The following ANKS1B variants were observed in gnomAD, a reference collection of about 807,000 sequenced individuals.
ANKS1B encodes the protein ankyrin repeat and sterile alpha motif domain-containing protein 1B.
In ANKS1B, 36 loss-of-function variants were observed where a neutral mutation model predicts 148.3. The ratio of observed to expected loss-of-function variants is 0.24; its 90% CI spans 0.19 to 0.32. The LOEUF (loss-of-function observed/expected upper bound fraction) is 0.32. Ranked by LOEUF, ANKS1B falls within the 10% of genes least tolerant of loss-of-function variation. ANKS1B has a pLI of 1.00. For synonymous variants in ANKS1B, 542 were observed against 560.8 expected (o/e 0.97, Z 0.47); for missense variants, 1,157 against 1,542.6 (o/e 0.75, Z 4.19).
At chr12:99,203,449 C>T (rs2082295528) in intron 14 of ANKS1B, among the ~76,000 whole-genome samples, 1 of 150,848 alleles carries the variant, frequency 6.6e-6, no homozygotes, top group Non-Finnish European at 1.5e-5. Flanking sequence ...AGACCTGCTT[C>T]TTTCTTTTTT....
chr12:99,417,937 T>A (rs1352644038), intron 11 of ANKS1B, among the ~76,000 whole-genome samples: 1 of 152,156 alleles, frequency 6.6e-6, no homozygotes, highest in East Asian at 1.9e-4. Flanking sequence ...ATCTTCAAAC[T>A]GCTAAATGAA....
At chr12:99,243,839 GT>G (rs1454405040) in intron 14 of ANKS1B, among the ~76,000 whole-genome samples, 1 of 152,110 alleles carries the variant, frequency 6.6e-6, no homozygotes, top group East Asian at 1.9e-4. Context: ...TGGACACAGG[GT>G]GGGGAACATC....
intron 9 of ANKS1B, among the ~76,000 whole-genome samples, chr12:99,652,341 C>T (rs540003505): frequency 1.3e-5 from 2 of 151,992 alleles, no homozygotes; most frequent in South Asian, 2.1e-4. Flanking sequence ...AGCATAGTGG[C>T]GCACCCCTGT....
In ANKS1B at chr12:99,555,585, T is replaced by A. The variant is rs2097267687; in HGVS notation, c.1273-50944A>T. Among the ~76,000 whole-genome samples, 9 of 152,288 alleles carry A rather than the reference T, an allele frequency of 5.9e-5. No homozygotes were observed. The South Asian group carries it at 1.7e-3, about 28-fold the overall frequency. On this transcript the variant is annotated intron_variant, in intron 9 of 26. Coordinates refer to ENST00000683438, the MANE Select transcript of ANKS1B (RefSeq NM_001352186.2). ...ATGTTGGTTGTGGGTTTGTCATAGA[T>A]GTCTGTTATTATTTTGAGGTATATT... is the stretch of plus-strand genomic sequence containing the variant.
At chr12:99,590,167 A>T (rs1221692240) in intron 9 of ANKS1B, among the ~76,000 whole-genome samples, 4 of 151,036 alleles carry the variant, frequency 2.6e-5, no homozygotes, top group Non-Finnish European at 5.9e-5. Context: ...TAGATATGTG[A>T]ATTAATATGA....
chr12:99,392,021 T>C (rs1273647239), intron 12 of ANKS1B, among the ~76,000 whole-genome samples: 1 of 152,216 alleles, frequency 6.6e-6, no homozygotes, highest in Non-Finnish European at 1.5e-5. Context: ...ATATATTTAA[T>C]GTATATATTT....
At chr12:98,935,384 G>A (rs552011759) in intron 17 of ANKS1B, among the ~76,000 whole-genome samples, 5 of 152,212 alleles carry the variant, frequency 3.3e-5, no homozygotes, top group African/African-American at 1.2e-4. Flanking sequence ...CTAGTATTTT[G>A]TTGAAGATTT....
intron 17 of ANKS1B, among the ~76,000 whole-genome samples, chr12:99,010,815 G>A (rs1305340318): frequency 6.7e-6 from 1 of 149,254 alleles, no homozygotes; most frequent in Non-Finnish European, 1.5e-5. Context: ...GCAGTAGTGC[G>A]ATCATGGCTC....
At chr12:99,268,542 C>A in intron 12 of ANKS1B, among the ~76,000 whole-genome samples, 1 of 152,144 alleles carries the variant, frequency 6.6e-6, no homozygotes, top group African/African-American at 2.4e-5. Flanking sequence ...AGAGTTCACC[C>A]CTTGTAATTT....
intron 1 of ANKS1B, among the ~76,000 whole-genome samples, chr12:99,846,551 G>A (rs1603301718): frequency 6.6e-6 from 1 of 151,994 alleles, no homozygotes; most frequent in East Asian, 1.9e-4. Flanking sequence ...TTTTATTTCA[G>A]AAATACTTTA....
At chr12:99,636,367 C>T (rs1305418994) in intron 9 of ANKS1B, among the ~76,000 whole-genome samples, 1 of 152,100 alleles carries the variant, frequency 6.6e-6, no homozygotes, top group Non-Finnish European at 1.5e-5. Context: ...GTATATGCTT[C>T]TGTTTAAAGA....
At position 98,845,979 on chromosome 12, in the gene ANKS1B, T is replaced by TACACAC. The variant is rs67641647; in HGVS notation, c.2779-13849_2779-13844dup. On this transcript the variant is annotated intron_variant, in intron 17 of 26. Transcript: ENST00000683438. Reference sequence around the variant, plus strand: ...TTAGAATTCTTCATATATATATATATACACACACACACACACACACACACA... The same window carrying TACACAC: ...TTAGAATTCTTCATATATATATATATACACACACACACACACACACACACACACACA... Among the ~76,000 whole-genome samples, 657 of 120,612 alleles carry TACACAC rather than the reference T, an allele frequency of 5.4e-3. 7 individuals are homozygous for TACACAC. The highest frequency in any genetic ancestry group is 0.017 in the African/African-American group (605 of 34,992). 79.1% of individuals were successfully genotyped at this position (120,612 alleles called of 152,430 possible).
At chr12:99,416,195 G>C (rs2094903080) in intron 11 of ANKS1B, among the ~76,000 whole-genome samples, 1 of 152,146 alleles carries the variant, frequency 6.6e-6, no homozygotes, top group South Asian at 2.1e-4. Flanking sequence ...TGTATCAATA[G>C]CTTGCTCCAT....
chr12:99,489,124 C>A (rs573482346), intron 10 of ANKS1B, among the ~76,000 whole-genome samples: 1 of 151,914 alleles, frequency 6.6e-6, no homozygotes, highest in South Asian at 2.1e-4. Flanking sequence ...CACCTATAAT[C>A]CCAGCTACTC....
intron 1 of ANKS1B, among the ~76,000 whole-genome samples, chr12:99,830,639 C>G (rs927595680): frequency 7.9e-6 from 1 of 126,704 alleles, no homozygotes; most frequent in Non-Finnish European, 1.7e-5. Context: ...CTGAAAGAAG[C>G]AAAAAAAAAA....
intron 14 of ANKS1B, among the ~76,000 whole-genome samples, chr12:99,212,067 C>G (rs778484733): frequency 6.6e-6 from 1 of 152,180 alleles, no homozygotes; most frequent in Non-Finnish European, 1.5e-5. Flanking sequence ...GGAAAAAAGT[C>G]CATTCTGCAT....
At chr12:99,843,698 A>G (rs1219529954) in intron 1 of ANKS1B, among the ~76,000 whole-genome samples, 1 of 152,056 alleles carries the variant, frequency 6.6e-6, no homozygotes, top group East Asian at 1.9e-4. Flanking sequence ...TGTTTTGTGA[A>G]TGATGCTGCA....
At chr12:99,440,594 TG>T (rs2095534365) in intron 11 of ANKS1B, among the ~76,000 whole-genome samples, 1 of 151,492 alleles carries the variant, frequency 6.6e-6, no homozygotes, top group South Asian at 2.1e-4. Flanking sequence ...GAAACAAAGG[TG>T]AAAAAGATCA....
At chr12:99,708,059 T>A (rs922228401) in intron 8 of ANKS1B, among the ~76,000 whole-genome samples, 16 of 152,122 alleles carry the variant, frequency 1.1e-4, no homozygotes, top group African/African-American at 3.9e-4. Flanking sequence ...AGTGCCAAGT[T>A]TCTTCCAGCT....
Sources: gnomAD v4.1 joint callset for allele counts (sites outside exome capture counted in the v4.1 genomes callset) on GRCh38, gnomAD v4.1.1 for gene constraint, MANE v1.5 for transcripts, NCBI Gene and HGNC (gene_info 2026-07-23, HGNC 2026-07-21) for gene names.